Variants in RASA3 observed in about 807,000 individuals in gnomAD.
The protein encoded by RASA3 is ras GTPase-activating protein 3.
Under a neutral mutation model 110.0 loss-of-function variants are expected in RASA3, and 73 were observed. The observed-to-expected ratio is 0.66, with a 90% CI of 0.55 to 0.81. The LOEUF (loss-of-function observed/expected upper bound fraction) is 0.81, where lower values mean the gene tolerates loss of function less well. RASA3 is among the 30% of genes least tolerant of loss of function. The pLI is 0.00. For missense variants in RASA3, 976 were observed against 1,113.2 expected (o/e 0.88, Z 1.75); for synonymous variants, 500 against 451.4 (o/e 1.11, Z -1.37).
At chr13:114,010,810 T>TGGGGAGGAGAGGGCTGCGAGGGGAGG (rs1225559439) in intron 16 of RASA3, among the ~76,000 whole-genome samples, 4 of 11,050 alleles carry the variant, frequency 3.6e-4, no homozygotes, top group South Asian at 2.9e-3. Context: ...GCGAGGGGAG[T>TGGGGAGGAGAGGGCTGCGAGGGGAGG]AGGGGGCTGC....
chr13:114,122,428 C>T (rs1235800169), intron 1 of RASA3, among the ~76,000 whole-genome samples: 1 of 152,226 alleles, frequency 6.6e-6, no homozygotes, highest in Non-Finnish European at 1.5e-5. Context: ...GCTAATGGCC[C>T]TGTCCATCAG....
intron 7 of RASA3, among the ~76,000 whole-genome samples, chr13:114,026,373 G>A (rs1044859867): frequency 2.6e-5 from 4 of 152,160 alleles, no homozygotes; most frequent in Admixed American, 6.5e-5. Context: ...GCCTTCCCTC[G>A]CTCTGGCAAA....
chr13:113,996,207 C>T (rs1378139568), intron 21 of RASA3, among the ~76,000 whole-genome samples: 1 of 152,152 alleles, frequency 6.6e-6, no homozygotes, highest in Non-Finnish European at 1.5e-5. Flanking sequence ...TTGCTCCCAG[C>T]CTCCTCCTAG....
At chr13:113,981,506 C>T (rs541592593) in intron 23 of RASA3, among the ~76,000 whole-genome samples, 169 bp downstream of exon 23, 28 of 152,288 alleles carry the variant, frequency 1.8e-4, no homozygotes, top group African/African-American at 5.5e-4. Flanking sequence ...CGCCGGGCCA[C>T]GTCCACTGAC....
chr13:114,124,476 G>A (rs1201511195), intron 1 of RASA3, among the ~76,000 whole-genome samples: 1 of 152,218 alleles, frequency 6.6e-6, no homozygotes, highest in Non-Finnish European at 1.5e-5. Flanking sequence ...CGGGCACCTC[G>A]GTGACTCTGA....
Position 113,992,602 on chromosome 13 carries a change from G to A in RASA3, c.2142-14C>T, listed in dbSNP as rs1280505665. On this transcript the variant is annotated splice_polypyrimidine_tract_variant and intron_variant, in intron 21 of 23. Coordinates refer to ENST00000334062, the MANE Select transcript of RASA3 (RefSeq NM_007368.4). ...GCTGGGAGGCCGCTGTCCAGACACA[G>A]CAAGAACAGAAAGATAAAAACACTT... 1 of 1,590,858 alleles carries A rather than the reference G, an allele frequency of 6.3e-7. No individual in the cohort carries two copies.
At chr13:114,035,307 G>A (rs1456704271) in intron 4 of RASA3, among the ~76,000 whole-genome samples, 1 of 152,204 alleles carries the variant, frequency 6.6e-6, no homozygotes, top group African/African-American at 2.4e-5. Flanking sequence ...GCCGACCCTG[G>A]CACCTGCCTG....
rs762841845 is a variant in RASA3 at position 114,018,122 on chromosome 13, G to A, written c.1073C>T (p.Ala358Val). 26 of 1,547,784 alleles carry A rather than the reference G, an allele frequency of 1.7e-5. No homozygotes were observed. Among genetic ancestry groups the A allele is most frequent in the Admixed American group, 2.0e-5 (1 of 50,832 alleles). Residue 358 changes from alanine to valine, a missense_variant, in exon 11 of 24, where the codon GCG becomes GTG. Physicochemically the swap from Ala to Val is moderately conservative, Grantham distance 64. This residue lies in a region of RASA3 where 732 missense variants were observed against 779.7 expected (regional missense o/e 0.94). Coordinates refer to ENST00000334062, the MANE Select transcript of RASA3 (RefSeq NM_007368.4). Reference protein sequence around the residue: ...VVPFISAIASAEVKRTQDPNT... With the variant: ...VVPFISAIASVEVKRTQDPNT... ...CACTCACTGGGTCCGCTTCACCTCCGCGCTGGCGATGGCACTGATGAATGG... is the reference window on the plus strand; with the variant it reads ...CACTCACTGGGTCCGCTTCACCTCCACGCTGGCGATGGCACTGATGAATGG...
intron 8 of RASA3, among the ~76,000 whole-genome samples, 162 bp from the exon 9 acceptor site, chr13:114,021,670 G>A (rs898485384): frequency 2.0e-5 from 3 of 152,352 alleles, no homozygotes; most frequent in Non-Finnish European, 4.4e-5. Flanking sequence ...AAACACGTCA[G>A]ACCAGCCTGT....
chr13:114,016,949 G>A (rs907414065), intron 12 of RASA3, among the ~76,000 whole-genome samples: 5 of 152,220 alleles, frequency 3.3e-5, no homozygotes, highest in Non-Finnish European at 7.3e-5. Flanking sequence ...GACATGTGGA[G>A]AAAGAAGGTC....
chr13:114,099,190 C>T (rs534322840), intron 1 of RASA3, among the ~76,000 whole-genome samples: 116 of 150,858 alleles, frequency 7.7e-4, no homozygotes, highest in East Asian at 7.0e-3. Context: ...CCCGGCCACC[C>T]GAGCCCCCCA....
At chr13:114,041,967 G>A (rs1323319255) in intron 3 of RASA3, among the ~76,000 whole-genome samples, 1 of 152,212 alleles carries the variant, frequency 6.6e-6, no homozygotes, top group Non-Finnish European at 1.5e-5. Flanking sequence ...CAAAGTCTGG[G>A]AACGTCCACT....
At chr13:114,030,862 C>T (rs931287649) in intron 4 of RASA3, among the ~76,000 whole-genome samples, 8 of 151,048 alleles carry the variant, frequency 5.3e-5, no homozygotes, top group African/African-American at 1.7e-4. Context: ...CCTGTGTGTG[C>T]GGCTGTGTGT....
At chr13:114,128,588 G>A (rs2080479512) in intron 1 of RASA3, among the ~76,000 whole-genome samples, 1 of 152,250 alleles carries the variant, frequency 6.6e-6, no homozygotes, top group South Asian at 2.1e-4. Context: ...TTGTGATCAG[G>A]AGAGGGATAG....
At chr13:114,002,702 T>A (rs995098614) in intron 18 of RASA3, among the ~76,000 whole-genome samples, 1 of 152,190 alleles carries the variant, frequency 6.6e-6, no homozygotes, top group South Asian at 2.1e-4. Context: ...AGTTTCCAGG[T>A]TAAGGCAGCA....
chr13:113,979,731 C>G (rs1180071930), intron 23 of RASA3, among the ~76,000 whole-genome samples: 1 of 152,176 alleles, frequency 6.6e-6, no homozygotes, highest in Non-Finnish European at 1.5e-5. Flanking sequence ...ATGTGCACAT[C>G]TGCACTGCAA....
chr13:114,077,409 G>A (rs1332126051), intron 1 of RASA3, among the ~76,000 whole-genome samples: 1 of 106,410 alleles, frequency 9.4e-6, no homozygotes, highest in Admixed American at 1.0e-4. Context: ...TCATCCCTCC[G>A]TCCCTGCCTG....
chr13:113,995,449 G>A (rs955428540), intron 21 of RASA3, among the ~76,000 whole-genome samples: 15 of 152,272 alleles, frequency 9.9e-5, no homozygotes, highest in African/African-American at 2.9e-4. Context: ...CTCATCCCCT[G>A]CAGGGCCCTT....
intron 18 of RASA3, 83 bp from the exon 19 acceptor site, chr13:114,001,015 C>T (rs971167064): frequency 1.4e-5 from 12 of 852,542 alleles, no homozygotes; most frequent in Non-Finnish European, 2.0e-5. Context: ...CCACTTTCTG[C>T]GTTCTGAGAC....
Sources: gnomAD v4.1 joint callset for allele counts (sites outside exome capture counted in the v4.1 genomes callset) on GRCh38, gnomAD v4.1.1 for gene constraint, gnomAD v4.1.1 regional missense constraint, MANE v1.5 for transcripts, NCBI Gene and HGNC (gene_info 2026-07-23, HGNC 2026-07-21) for gene names.